The following KALRN variants were observed in gnomAD, a reference collection of about 807,000 sequenced individuals.
KALRN encodes the protein kalirin.
In KALRN, 70 loss-of-function variants were observed where a neutral mutation model predicts 353.7. The ratio of observed to expected loss-of-function variants is 0.20; its 90% CI spans 0.16 to 0.24. The LOEUF (loss-of-function observed/expected upper bound fraction) is 0.24. Ranked by LOEUF, KALRN falls within the 10% of genes least tolerant of loss-of-function variation. The pLI is 1.00. For synonymous variants in KALRN, 1,391 were observed against 1,434.8 expected (o/e 0.97, Z 0.69); for missense variants, 2,791 against 3,756.7 (o/e 0.74, Z 6.72).
intron 33 of KALRN, among the ~76,000 whole-genome samples, chr3:124,540,309 C>T (rs1260178003): frequency 6.6e-6 from 1 of 152,180 alleles, no homozygotes. Context: ...CATTCAGGCT[C>T]TTTTAGAAGA....
chr3:124,393,708 G>T (rs974862953), intron 11 of KALRN, among the ~76,000 whole-genome samples: 2 of 152,156 alleles, frequency 1.3e-5, no homozygotes, highest in Non-Finnish European at 2.9e-5. Context: ...AGTGAGCAGG[G>T]CAAATCTTAT....
chr3:124,512,141 A>G (rs1449283702), intron 33 of KALRN, among the ~76,000 whole-genome samples: 1 of 152,078 alleles, frequency 6.6e-6, no homozygotes, highest in East Asian at 1.9e-4. Context: ...TTTCCCATAT[A>G]CTCTGTAAGA....
intron 1 of KALRN, among the ~76,000 whole-genome samples, chr3:124,172,909 T>C (rs552621888): frequency 5.9e-5 from 9 of 152,354 alleles, no homozygotes; most frequent in Non-Finnish European, 1.2e-4. Flanking sequence ...CCAATCTGAC[T>C]ATTAATCTCA....
chr3:124,173,892 G>C (rs908777539), intron 1 of KALRN, among the ~76,000 whole-genome samples: 1 of 152,128 alleles, frequency 6.6e-6, no homozygotes, highest in East Asian at 1.9e-4. Flanking sequence ...GGGATTACAG[G>C]CATGAGCCAC....
In KALRN at chr3:124,474,717, C is replaced by T. The variant is rs775813354; in HGVS notation, c.4086C>T (p.His1362=). ...AGCAACTGCCTGAGGATGTGGGACA[C>T]TGCTTTGTTACCTGGGTAACCAACC... ...KYEQLPEDVG[H]CFVTWADKFQ... The change falls in exon 26 of 60, where the codon CAC becomes CAT. Residue 1362 remains histidine (H), a synonymous_variant. Transcript: ENST00000682506. 11 of 1,613,958 alleles carry T rather than the reference C, an allele frequency of 6.8e-6. No homozygotes were observed. Among genetic ancestry groups the T allele is most frequent in the Non-Finnish European group, 9.3e-6 (11 of 1,179,846 alleles).
At chr3:124,442,238 C>A (rs1323953113) in intron 19 of KALRN, among the ~76,000 whole-genome samples, 179 bp downstream of exon 19, 1 of 152,162 alleles carries the variant, frequency 6.6e-6, no homozygotes, top group African/African-American at 2.4e-5. Context: ...AAACACGCAT[C>A]AAGATCTGGA....
At chr3:124,217,115 A>C (rs1455654608) in intron 1 of KALRN, among the ~76,000 whole-genome samples, 1 of 152,152 alleles carries the variant, frequency 6.6e-6, no homozygotes, top group Admixed American at 6.6e-5. Flanking sequence ...CCTCTATATT[A>C]TATTTCTTGC....
At chr3:124,093,386 G>A (rs1447403971) in intron 1 of KALRN, among the ~76,000 whole-genome samples, 1 of 152,234 alleles carries the variant, frequency 6.6e-6, no homozygotes, top group Non-Finnish European at 1.5e-5. Context: ...GCAGATGGCT[G>A]TTGGGTAGTT....
At chr3:124,662,563 T>A (rs571790491) in intron 45 of KALRN, among the ~76,000 whole-genome samples, 1 of 152,294 alleles carries the variant, frequency 6.6e-6, no homozygotes, top group South Asian at 2.1e-4. Flanking sequence ...ATGGAACACC[T>A]GTTTTTTGAG....
Position 124,092,134 on chromosome 3 carries a change from C to T in KALRN, c.73+58321C>T, listed in dbSNP as rs147533339. Among the ~76,000 whole-genome samples, 4 of 152,328 alleles carry T rather than the reference C, an allele frequency of 2.6e-5. No individual in the cohort carries two copies. The East Asian group carries it at 5.8e-4, about 22-fold the overall frequency. On this transcript the variant is annotated intron_variant, in intron 1 of 59. Transcript: ENST00000682506. Reference sequence around the variant, plus strand: ...GGTCTGTTTGCGGGGGAAGTGCTTGCACCCATATTATTCTTGACAGTCTTT... The same window carrying T: ...GGTCTGTTTGCGGGGGAAGTGCTTGTACCCATATTATTCTTGACAGTCTTT...
intron 32 of KALRN, 73 bp from the exon 33 acceptor site, chr3:124,496,238 A>T (rs1268328884): frequency 8.8e-7 from 1 of 1,141,658 alleles, no homozygotes; most frequent in African/African-American, 1.5e-5. Flanking sequence ...CCCAACCGGA[A>T]ATCCTTGTGT....
chr3:124,651,030 A>G, intron 38 of KALRN, 92 bp downstream of exon 38: 6 of 1,473,894 alleles, frequency 4.1e-6, no homozygotes, highest in Non-Finnish European at 4.7e-6. Flanking sequence ...GGGGTTCCCC[A>G]CGCTGTTTCC....
intron 1 of KALRN, among the ~76,000 whole-genome samples, chr3:124,123,664 A>T (rs1196479770): frequency 6.6e-6 from 1 of 152,258 alleles, no homozygotes; most frequent in Non-Finnish European, 1.5e-5. Context: ...ATAGCCTTCT[A>T]TTGGAAGAAG....
Position 124,721,203 on chromosome 3 carries a change from C to G in KALRN, c.*1733C>G, listed in dbSNP as rs1448600698. ...TTTTTTTTTCCATTGGTTTCAAAGA[C>G]AACTTCCTCATTCGCCCTCCACCTC... is the stretch of plus-strand genomic sequence containing the variant. On this transcript the variant is annotated 3_prime_UTR_variant, in exon 60 of 60. Coordinates refer to ENST00000682506, the MANE Select transcript of KALRN (RefSeq NM_001388419.1). The G allele has an allele frequency of 6.6e-6, 1 of 151,830 alleles. No individual in the cohort carries two copies. The highest frequency in any genetic ancestry group is 2.4e-5 in the African/African-American group (1 of 41,326). 9.4% of individuals were successfully genotyped at this position (151,830 alleles called of 1,614,324 possible).
intron 1 of KALRN, among the ~76,000 whole-genome samples, chr3:124,165,366 C>G (rs1399416751): frequency 6.6e-6 from 1 of 151,868 alleles, no homozygotes; most frequent in Non-Finnish European, 1.5e-5. Context: ...CCCTCCCACC[C>G]TCAGATGTTT....
In KALRN at chr3:124,719,995, T is replaced by C. The variant is rs1409230481; in HGVS notation, c.*525T>C. On this transcript the variant is annotated 3_prime_UTR_variant, in exon 60 of 60. Transcript: ENST00000682506. The surrounding 1 kb of genome is among the most constrained non-coding windows in gnomAD (Gnocchi z 5.3). Reference sequence around the variant, plus strand: ...CAGAGTTTTCTAATATAGAGATATATATATTAAATCAATCACAAGTAATTT... The same window carrying C: ...CAGAGTTTTCTAATATAGAGATATACATATTAAATCAATCACAAGTAATTT... 2 of 152,726 alleles carry C rather than the reference T, an allele frequency of 1.3e-5. No homozygotes were observed. Among genetic ancestry groups the C allele is most frequent in the Non-Finnish European group, 2.9e-5 (2 of 68,350 alleles). The allele number at this position is 152,726 out of a possible 1,614,324, so 9.5% of individuals were successfully genotyped here. A position where few individuals can be genotyped will look rare whatever the true frequency, so the allele number is the denominator to read the frequency against.
At chr3:124,466,883 T>C (rs1440958002) in intron 25 of KALRN, among the ~76,000 whole-genome samples, 1 of 152,216 alleles carries the variant, frequency 6.6e-6, no homozygotes, top group Non-Finnish European at 1.5e-5. Flanking sequence ...ACAGCTTCCA[T>C]GTGGATCTTA....
At chr3:124,670,939 G>A (rs2086345778) in intron 47 of KALRN, among the ~76,000 whole-genome samples, 1 of 152,068 alleles carries the variant, frequency 6.6e-6, no homozygotes, top group Non-Finnish European at 1.5e-5. Context: ...TTCCCACCTA[G>A]GCTGTCACAG....
chr3:124,397,691 C>T (rs777184387), intron 12 of KALRN, among the ~76,000 whole-genome samples: 1 of 152,190 alleles, frequency 6.6e-6, no homozygotes, highest in Non-Finnish European at 1.5e-5. Flanking sequence ...GTTTATCTCT[C>T]GGCTTCCCTC....
Sources: gnomAD v4.1 joint callset for allele counts (sites outside exome capture counted in the v4.1 genomes callset) on GRCh38, gnomAD v4.1.1 for gene constraint, Gnocchi (gnomAD v3.1) non-coding constraint, MANE v1.5 for transcripts, NCBI Gene and HGNC (gene_info 2026-07-23, HGNC 2026-07-21) for gene names.